Variants in ARPIN observed in about 807,000 individuals in gnomAD.
ARPIN encodes UPF0552 protein C15orf38.
A neutral mutation model predicts 25.9 loss-of-function variants in ARPIN; 23 were observed. That is an observed-to-expected ratio of 0.89 (90% confidence interval 0.64 to 1.26). The LOEUF (loss-of-function observed/expected upper bound fraction) is 1.26, where lower values mean the gene tolerates loss of function less well. Among genes scored for constraint, ARPIN ranks in the 50% most tolerant of loss-of-function variants. The pLI is 0.00. For synonymous variants in ARPIN, 126 were observed against 131.4 expected, an observed-to-expected ratio of 0.96 and a Z score of 0.28; for missense variants, 333 against 312.2, an observed-to-expected ratio of 1.07 and a Z score of -0.50.
intron 2 of ARPIN, 109 bp from the exon 3 acceptor site, chr15:89,908,521 T>G (rs534506411): frequency 6.5e-7 from 1 of 1,527,554 alleles, no homozygotes; most frequent in East Asian, 2.3e-5. Context: ...GAAGCCCACC[T>G]CAGCTCCAAA....
Position 89,898,752 on chromosome 15 carries a change from T to C in ARPIN, c.*3043A>G, listed in dbSNP as rs1157271266. The C allele has an allele frequency of 6.6e-6, 1 of 152,162 alleles. No individual in the cohort carries two copies. Among genetic ancestry groups the C allele is most frequent in the African/African-American group, 2.4e-5 (1 of 41,426 alleles). 9.4% of individuals were successfully genotyped at this position (152,162 alleles called of 1,614,324 possible). On this transcript the variant is annotated 3_prime_UTR_variant, in exon 6 of 6. Coordinates refer to ENST00000357484, the MANE Select transcript of ARPIN (RefSeq NM_182616.4). The stretch of plus-strand genomic sequence containing the variant: ...TATTAAGGAATTTGAACTTTTCATC[T>C]GGGGAGTAATAGGATCCAGTCTAGC...
At chr15:89,906,636 C>T (rs548519942) in intron 3 of ARPIN, among the ~76,000 whole-genome samples, 49 of 152,244 alleles carry the variant, frequency 3.2e-4, no homozygotes, top group African/African-American at 1.1e-3. Context: ...CAAGGGCTGG[C>T]ACATGATATA....
At chr15:89,911,113 C>T (rs1320078638) in intron 1 of ARPIN, among the ~76,000 whole-genome samples, 3 of 152,202 alleles carry the variant, frequency 2.0e-5, no homozygotes, top group African/African-American at 7.2e-5. Flanking sequence ...AAAACAGCTG[C>T]CTCACTCTGC....
intron 2 of ARPIN, among the ~76,000 whole-genome samples, chr15:89,909,498 G>T (rs1567197244): frequency 1.3e-5 from 2 of 152,244 alleles, no homozygotes; most frequent in Non-Finnish European, 2.9e-5. Flanking sequence ...CCTTCTGGGA[G>T]CCCAGGCTGG....
rs1897061821 is a variant in ARPIN, at chr15:89,903,505, G to C, written c.509-126C>G. 3 of 1,490,480 alleles carry C rather than the reference G, an allele frequency of 2.0e-6. No individual in the cohort carries two copies. The African/African-American group carries it at 4.2e-5, about 21-fold the overall frequency. The allele number at this position is 1,490,480 out of a possible 1,614,324, so 92.3% of individuals were successfully genotyped here. A position where few individuals can be genotyped will look rare whatever the true frequency, so the allele number is the denominator to read the frequency against. On this transcript the variant is annotated intron_variant, in intron 4 of 5. Transcript: ENST00000357484. ...ACTGTTTTCTCCAGGCATAGATGTG[G>C]TCAATGAGCCCCTGGGTGGGACCCC...
chr15:89,908,096 G>A (rs1038164571), intron 3 of ARPIN, among the ~76,000 whole-genome samples, 184 bp downstream of exon 3: 4 of 152,132 alleles, frequency 2.6e-5, no homozygotes, highest in Admixed American at 1.3e-4. Flanking sequence ...GGGAGGGAAC[G>A]GGGATCCTCT....
chr15:89,903,310 G>A lies in ARPIN; in HGVS notation c.578C>T (p.Ala193Val). ...GGCCATGATGTTGTCTGTCCAGGAT[G>A]CCCCTGTCTTTCCATCACCAGTGAA... The part of the protein sequence containing the change: ...CNFTGDGKTG[A>V]SWTDNIMAQK... The change falls in exon 5 of 6, where the codon GCA becomes GTA. Residue 193 changes from alanine to valine, a missense_variant. Ala to Val is a moderately conservative substitution (Grantham distance 64, BLOSUM62 0). Coordinates refer to ENST00000357484, the MANE Select transcript of ARPIN (RefSeq NM_182616.4). 6.2e-7 allele frequency: 1 copy of A among 1,614,178 alleles called. No homozygotes were observed. Among genetic ancestry groups the A allele is most frequent in the Non-Finnish European group, 8.5e-7 (1 of 1,180,034 alleles).
At chr15:89,912,299 C>T (rs975498760) in intron 1 of ARPIN, 3 of 996,840 alleles carry the variant, frequency 3.0e-6, no homozygotes, top group Non-Finnish European at 3.6e-6. Context: ...CCAAATCCTC[C>T]TCACCCAGGC....
chr15:89,901,991 G>A (rs909268309), intron 5 of ARPIN, among the ~76,000 whole-genome samples, 188 bp from the exon 6 acceptor site: 3 of 152,272 alleles, frequency 2.0e-5, no homozygotes, highest in Admixed American at 6.5e-5. Context: ...TCCAAGATTC[G>A]CTTTATGAAG....
intron 5 of ARPIN, 164 bp downstream of exon 5, chr15:89,903,052 G>C (rs970500415): frequency 2.0e-6 from 3 of 1,509,838 alleles, no homozygotes; most frequent in Non-Finnish European, 2.7e-6. Context: ...TCATACCTTA[G>C]AGGAATTCTC....
At chr15:89,910,712 C>A in intron 2 of ARPIN, 32 bp downstream of exon 2, 1 of 1,613,354 alleles carries the variant, frequency 6.2e-7, no homozygotes, top group Non-Finnish European at 8.5e-7. Flanking sequence ...GAAGTCAGTG[C>A]CCTCTAGCTA....
chr15:89,903,389 G>A lies in ARPIN; in HGVS notation c.509-10C>T. ...AGTTTGGCCAATGAATCTGAAAGAAGAGATGAAATTGAATGTCCTCTGTCC... is the reference window on the plus strand; with the variant it reads ...AGTTTGGCCAATGAATCTGAAAGAAAAGATGAAATTGAATGTCCTCTGTCC... On this transcript the variant is annotated splice_polypyrimidine_tract_variant and intron_variant, in intron 4 of 5. Coordinates refer to ENST00000357484, the MANE Select transcript of ARPIN (RefSeq NM_182616.4). The A allele has an allele frequency of 6.2e-7, 1 of 1,614,214 alleles. No individual in the cohort carries two copies. Among genetic ancestry groups the A allele is most frequent in the South Asian group, 1.1e-5 (1 of 91,084 alleles).
rs1896942001 is a variant in ARPIN at position 89,897,094 on chromosome 15, T to C, written c.*4701A>G. ...TAAGAGAACTATATAATTTTCAACATTTTTGGAAACATTAATTCTGTTAGC... is the reference window on the plus strand; with the variant it reads ...TAAGAGAACTATATAATTTTCAACACTTTTGGAAACATTAATTCTGTTAGC... On this transcript the variant is annotated 3_prime_UTR_variant, in exon 6 of 6. Transcript: ENST00000357484. 6.6e-6 allele frequency: 1 copy of C among 152,238 alleles called. No individual in the cohort carries two copies. Among genetic ancestry groups the C allele is most frequent in the Admixed American group, 6.5e-5 (1 of 15,282 alleles). The allele number at this position is 152,238 out of a possible 1,614,324, so 9.4% of individuals were successfully genotyped here.
Position 89,903,774 on chromosome 15 carries a change from C to T in ARPIN, c.508+3G>A, listed in dbSNP as rs189094342. 9.3e-5 allele frequency: 150 copies of T among 1,614,068 alleles called. 3 individuals are homozygous for T. In the African/African-American group the frequency reaches 1.9e-3, roughly 20 times the overall value. On this transcript the variant is annotated splice_donor_region_variant and intron_variant, in intron 4 of 5. Coordinates refer to ENST00000357484, the MANE Select transcript of ARPIN (RefSeq NM_182616.4). ...GGGCCACAGTGAGGGTTGCATTGCTCACCCAGGAAGGGACCATCGCCCCGA... is the reference window on the plus strand; with the variant it reads ...GGGCCACAGTGAGGGTTGCATTGCTTACCCAGGAAGGGACCATCGCCCCGA...
At chr15:89,903,505 G>A in intron 4 of ARPIN, 126 bp from the exon 5 acceptor site, 2 of 1,490,598 alleles carry the variant, frequency 1.3e-6, no homozygotes, top group Non-Finnish European at 1.8e-6. Context: ...CATAGATGTG[G>A]TCAATGAGCC....
rs756112595 is a variant in ARPIN at position 89,910,776 on chromosome 15, G to A, written c.136C>T (p.Arg46Trp). 31 of 1,614,058 alleles carry A rather than the reference G, an allele frequency of 1.9e-5. No individual in the cohort carries two copies. In the African/African-American group the frequency reaches 2.4e-4, roughly 13 times the overall value. The change falls in exon 2 of 6, where the codon CGG (arginine) becomes TGG (tryptophan). Residue 46 changes from arginine (R) to tryptophan (W), a missense_variant. Physicochemically the swap from Arg to Trp is moderately radical, Grantham distance 101 (BLOSUM62 -3). Coordinates refer to ENST00000357484, the MANE Select transcript of ARPIN (RefSeq NM_182616.4). Reference protein sequence around the residue: ...LLEGELIDVSRHSILDTHGRK... With the variant: ...LLEGELIDVSWHSILDTHGRK... ...CCATGAGTGTCCAAGATGCTGTGCCGAGATACATCGATCAGTTCTCCCTCC... is the reference window on the plus strand; with the variant it reads ...CCATGAGTGTCCAAGATGCTGTGCCAAGATACATCGATCAGTTCTCCCTCC...
chr15:89,896,591 A>G lies in ARPIN; in HGVS notation c.*5204T>C, dbSNP rs1896934351. The G allele has an allele frequency of 6.6e-6, 1 of 152,240 alleles. No homozygotes were observed. The highest frequency in any genetic ancestry group is 1.5e-5 in the Non-Finnish European group (1 of 68,040). 9.4% of individuals were successfully genotyped at this position (152,240 alleles called of 1,614,324 possible). A position where few individuals can be genotyped will look rare whatever the true frequency, so the allele number is the denominator to read the frequency against. On this transcript the variant is annotated 3_prime_UTR_variant, in exon 6 of 6. Coordinates refer to ENST00000357484, the MANE Select transcript of ARPIN (RefSeq NM_182616.4). ...TAAAAATCACAAAACATCAACAGAT[A>G]TATAAAGTTTTTTTATAAAAAGAAT...
intron 3 of ARPIN, 90 bp downstream of exon 3, chr15:89,908,190 C>T: frequency 5.1e-6 from 8 of 1,567,880 alleles, no homozygotes; most frequent in Non-Finnish European, 6.1e-6. Context: ...GCTGAAGAGA[C>T]ACTTTCCAGG....
At chr15:89,907,527 T>C (rs1596235597) in intron 3 of ARPIN, among the ~76,000 whole-genome samples, 1 of 152,214 alleles carries the variant, frequency 6.6e-6, no homozygotes, top group African/African-American at 2.4e-5. Context: ...CCTTCTGCCA[T>C]GTGAGGACTC....
Sources: gnomAD v4.1 joint callset for allele counts (sites outside exome capture counted in the v4.1 genomes callset) on GRCh38, gnomAD v4.1.1 for gene constraint, MANE v1.5 for transcripts, NCBI Gene and HGNC (gene_info 2026-07-23, HGNC 2026-07-21) for gene names.